Variants in PRELID2 observed in about 807,000 individuals in gnomAD.
PRELID2 encodes the protein PRELI domain containing 2.
PRELID2 carries 25 observed loss-of-function variants against 28.4 expected under a neutral mutation model. That is an observed-to-expected ratio of 0.88 (90% CI 0.64 to 1.23). PRELID2 has a LOEUF of 1.23. Ranked by LOEUF, PRELID2 falls within the 50% of genes most tolerant of loss-of-function variation. The pLI, the probability that PRELID2 is intolerant of heterozygous loss-of-function variation, is 0.00. For missense variants in PRELID2, 201 were observed against 214.4 expected (o/e 0.94, Z 0.39); for synonymous variants, 76 against 71.6 (o/e 1.06, Z -0.31).
rs10630945 is a variant in PRELID2 at position 145,522,757 on chromosome 5, AAGG to A, written n.71-49445_71-49443del. On this transcript the variant is annotated intron_variant and non_coding_transcript_variant, in intron 1 of 2. Transcript: ENST00000510259. The stretch of plus-strand genomic sequence containing the variant: ...GAAGCAATGTTATCTTTGGAAGAAA[AAGG>A]AGGAGGAGGAGGAGGAGGAAGAGAA... Among the ~76,000 whole-genome samples the A allele has an allele frequency of 3.0e-3, 451 of 149,856 alleles. 3 individuals carry two copies. Among genetic ancestry groups the A allele is most frequent in the African/African-American group, 9.3e-3 (382 of 40,874 alleles).
chr5:145,699,783 A>G (rs1318582633), intron 1 of PRELID2, among the ~76,000 whole-genome samples: 1 of 152,184 alleles, frequency 6.6e-6, no homozygotes, highest in Non-Finnish European at 1.5e-5. Context: ...CCTTAATAGC[A>G]CAGCTGCCGC....
the PRELID2 span, among the ~76,000 whole-genome samples, chr5:145,304,216 T>C: frequency 6.6e-6 from 1 of 152,148 alleles, no homozygotes; most frequent in Non-Finnish European, 1.5e-5. Flanking sequence ...CCTAATGCCT[T>C]ATTTTCAAAA....
intron 4 of PRELID2, among the ~76,000 whole-genome samples, chr5:145,800,863 A>T (rs904244535): frequency 6.6e-6 from 1 of 152,194 alleles, no homozygotes; most frequent in African/African-American, 2.4e-5. Context: ...TAGCTAACCT[A>T]AATCCCTCAC....
At chr5:145,574,322 T>C (rs1212318472) in intron 1 of PRELID2, among the ~76,000 whole-genome samples, 1 of 152,196 alleles carries the variant, frequency 6.6e-6, no homozygotes, top group Non-Finnish European at 1.5e-5. Flanking sequence ...ATGATTTTAG[T>C]TCAGCGAGAT....
the PRELID2 span, among the ~76,000 whole-genome samples, chr5:145,357,118 G>A: frequency 4.6e-5 from 7 of 152,276 alleles, no homozygotes; most frequent in Non-Finnish European, 1.0e-4. Context: ...CTGTTTACCT[G>A]ATGGGGTTCC....
the PRELID2 span, among the ~76,000 whole-genome samples, chr5:145,248,257 G>A: frequency 0.24 from 36,491 of 151,878 alleles, 5,379 homozygotes; most frequent in Non-Finnish European, 0.31. Context: ...GAGGCCCTTG[G>A]TAAAACGGAA....
the PRELID2 span, among the ~76,000 whole-genome samples, chr5:145,307,383 A>G: frequency 2.0e-5 from 3 of 152,168 alleles, no homozygotes; most frequent in South Asian, 6.2e-4. Flanking sequence ...GACAGAGCCA[A>G]GTGAATCTAG....
chr5:145,498,502 TTTTG>T (rs1166843208), intron 1 of PRELID2, among the ~76,000 whole-genome samples: 5 of 151,818 alleles, frequency 3.3e-5, no homozygotes, highest in Admixed American at 6.6e-5. Flanking sequence ...TCTCTCTGTT[TTTTG>T]TTTGTTTGTT....
chr5:145,339,935 T>C, the PRELID2 span, among the ~76,000 whole-genome samples: 1 of 152,152 alleles, frequency 6.6e-6, no homozygotes, highest in Non-Finnish European at 1.5e-5. Flanking sequence ...CAAATCTTAT[T>C]GCTGCTGCTG....
the PRELID2 span, among the ~76,000 whole-genome samples, chr5:145,257,468 C>T: frequency 6.6e-6 from 1 of 151,662 alleles, no homozygotes; most frequent in Admixed American, 6.6e-5. Flanking sequence ...AACAGAAAAA[C>T]AAAAAGTAGG....
chr5:145,538,728 C>G (rs546450180), intron 1 of PRELID2, among the ~76,000 whole-genome samples: 1 of 152,010 alleles, frequency 6.6e-6, no homozygotes, highest in Admixed American at 6.6e-5. Context: ...GCCCCCTTTC[C>G]TGAATGGATA....
At chr5:145,791,976 T>C (rs2149811375) in intron 5 of PRELID2, among the ~76,000 whole-genome samples, 1 of 152,240 alleles carries the variant, frequency 6.6e-6, no homozygotes, top group Admixed American at 6.5e-5. Context: ...AGGGAAGATA[T>C]TCACTTGCCC....
intron 1 of PRELID2, among the ~76,000 whole-genome samples, chr5:145,635,781 CTCTG>C (rs1274888291): frequency 6.6e-6 from 1 of 152,206 alleles, no homozygotes; most frequent in African/African-American, 2.4e-5. Flanking sequence ...CTTTCGCCTA[CTCTG>C]TCTGGCTGGC....
downstream of PRELID2, among the ~76,000 whole-genome samples, chr5:145,469,440 A>G (rs960010266): frequency 1.3e-5 from 2 of 152,114 alleles, no homozygotes; most frequent in African/African-American, 4.8e-5. Context: ...CATGTTTCAC[A>G]AAGGAGTGGC....
intron 1 of PRELID2, among the ~76,000 whole-genome samples, chr5:145,744,145 T>A (rs189547085): frequency 6.6e-6 from 1 of 152,220 alleles, no homozygotes; most frequent in East Asian, 1.9e-4. Context: ...AGTAACTCCA[T>A]CCAGAGGCTC....
rs138649978 is a variant in PRELID2 at position 145,535,180 on chromosome 5, T to G, written n.71-61865A>C. ...AATCATACTTAAACTTGTTAAAAAT[T>G]ACACTTTGCTCCTCATTTAAATGGC... On this transcript the variant is annotated intron_variant and non_coding_transcript_variant, in intron 1 of 2. Transcript: ENST00000510259. Among the ~76,000 whole-genome samples the G allele has an allele frequency of 2.8e-4, 42 of 152,106 alleles. No homozygotes were observed. In the East Asian group the frequency reaches 7.8e-3, roughly 28 times the overall value.
chr5:145,408,612 AAG>A, the PRELID2 span, among the ~76,000 whole-genome samples: 2 of 151,810 alleles, frequency 1.3e-5, no homozygotes, highest in Middle Eastern at 3.4e-3. Flanking sequence ...AAGTGGAAGA[AAG>A]AGATTCAGAG....
the PRELID2 span, among the ~76,000 whole-genome samples, chr5:145,296,890 G>A: frequency 6.6e-6 from 1 of 152,186 alleles, no homozygotes; most frequent in African/African-American, 2.4e-5. Flanking sequence ...CATTCTAACT[G>A]GTGTGAGGTG....
the PRELID2 span, among the ~76,000 whole-genome samples, chr5:145,343,143 G>A: frequency 6.6e-6 from 1 of 151,672 alleles, no homozygotes. Flanking sequence ...AAGAAACATT[G>A]GAATTAAACT....
Sources: gnomAD v4.1 joint callset for allele counts (sites outside exome capture counted in the v4.1 genomes callset) on GRCh38, gnomAD v4.1.1 for gene constraint, MANE v1.5 for transcripts, NCBI Gene and HGNC (gene_info 2026-07-23, HGNC 2026-07-21) for gene names.